The following GSG1L variants were observed in gnomAD, a reference collection of about 807,000 sequenced individuals.
The protein encoded by GSG1L is GSG1 like.
A neutral mutation model predicts 42.1 loss-of-function variants in GSG1L; 24 were observed. The ratio of observed to expected loss-of-function variants is 0.57; its 90% confidence interval spans 0.41 to 0.80. The LOEUF is 0.80. GSG1L is among the 30% of genes least tolerant of loss of function. The pLI is 0.00. For missense variants in GSG1L, 445 were observed against 472.2 expected, an observed-to-expected ratio of 0.94 and a Z score of 0.53; for synonymous variants, 215 against 203.5, an observed-to-expected ratio of 1.06 and a Z score of -0.48.
intron 1 of GSG1L, among the ~76,000 whole-genome samples, chr16:28,041,745 A>G (rs1194850268): frequency 6.6e-6 from 1 of 152,222 alleles, no homozygotes; most frequent in Admixed American, 6.5e-5. Flanking sequence ...TTGCTGTTAG[A>G]TTCTTCCTCT....
At chr16:28,034,954 T>C (rs1248035235) in intron 1 of GSG1L, among the ~76,000 whole-genome samples, 1 of 152,078 alleles carries the variant, frequency 6.6e-6, no homozygotes, top group Non-Finnish European at 1.5e-5. Flanking sequence ...GAGAGAGGAG[T>C]GCCTAGCACA....
At chr16:27,834,411 C>G (rs2083302017) in intron 4 of GSG1L, among the ~76,000 whole-genome samples, 1 of 151,258 alleles carries the variant, frequency 6.6e-6, no homozygotes, top group Non-Finnish European at 1.5e-5. Context: ...TTTGCACTAT[C>G]TTTGGTTTTA....
At chr16:27,975,074 G>A (rs569736110) in intron 1 of GSG1L, among the ~76,000 whole-genome samples, 1 of 152,076 alleles carries the variant, frequency 6.6e-6, no homozygotes, top group Non-Finnish European at 1.5e-5. Context: ...GCATCTCTGG[G>A]CCGGGACTTG....
At chr16:27,977,005 T>A (rs2085258314) in intron 1 of GSG1L, among the ~76,000 whole-genome samples, 1 of 152,132 alleles carries the variant, frequency 6.6e-6, no homozygotes. Flanking sequence ...GGAAGGCAGA[T>A]CCCACCCCAG....
chr16:27,918,205 C>T (rs1054045456), intron 2 of GSG1L, among the ~76,000 whole-genome samples: 2 of 152,124 alleles, frequency 1.3e-5, no homozygotes, highest in African/African-American at 2.4e-5. Flanking sequence ...CTTTGACTGC[C>T]GTAGGCCTGG....
chr16:27,947,125 TTTTTG>T (rs1172514898), intron 2 of GSG1L, among the ~76,000 whole-genome samples: 1 of 152,118 alleles, frequency 6.6e-6, no homozygotes, highest in Non-Finnish European at 1.5e-5. Context: ...GCAAGTTTTG[TTTTTG>T]TTTTGTTTTG....
At chr16:28,011,518 G>T (rs1472535770) in intron 1 of GSG1L, among the ~76,000 whole-genome samples, 2 of 152,374 alleles carry the variant, frequency 1.3e-5, no homozygotes, top group East Asian at 3.9e-4. Flanking sequence ...GATCGAGTCA[G>T]TCGTGGCCAT....
At chr16:28,051,268 C>T (rs1361218308) in intron 1 of GSG1L, among the ~76,000 whole-genome samples, 1 of 152,140 alleles carries the variant, frequency 6.6e-6, no homozygotes, top group East Asian at 1.9e-4. Context: ...CTAGCAGAAC[C>T]TTAAGGGATA....
intron 1 of GSG1L, among the ~76,000 whole-genome samples, chr16:27,973,581 T>C (rs1596665240): frequency 6.6e-6 from 1 of 150,662 alleles, no homozygotes; most frequent in East Asian, 2.0e-4. Context: ...AAGAGTGACA[T>C]GCAGGTACCA....
intron 3 of GSG1L, among the ~76,000 whole-genome samples, chr16:27,858,828 G>T (rs1437218933): frequency 1.3e-5 from 2 of 152,196 alleles, no homozygotes; most frequent in East Asian, 3.8e-4. Flanking sequence ...GAAGTTCACA[G>T]TTTAATAAAT....
chr16:27,791,524 T>G (rs1051661086), intron 6 of GSG1L, 57 bp from the exon 7 acceptor site: 2 of 1,194,520 alleles, frequency 1.7e-6, no homozygotes, highest in East Asian at 2.9e-5. Flanking sequence ...CCACATCCTG[T>G]CTACCCACCG....
chr16:27,810,930 C>T (rs1045375057), intron 5 of GSG1L, among the ~76,000 whole-genome samples: 7 of 152,242 alleles, frequency 4.6e-5, no homozygotes, highest in Non-Finnish European at 5.9e-5. Context: ...TCAGGTGATC[C>T]ACCCACCTTG....
chr16:27,984,232 A>C (rs2085355755), intron 1 of GSG1L, among the ~76,000 whole-genome samples: 1 of 152,148 alleles, frequency 6.6e-6, no homozygotes, highest in South Asian at 2.1e-4. Context: ...TTTCTTTGGC[A>C]TCTCAGCTCC....
At chr16:27,881,868 C>T (rs1403760943) in intron 3 of GSG1L, among the ~76,000 whole-genome samples, 1 of 152,086 alleles carries the variant, frequency 6.6e-6, no homozygotes, top group Non-Finnish European at 1.5e-5. Context: ...CACGGTGGAC[C>T]TGTCCCTGCC....
At chr16:28,058,620 C>CAAAAA (rs66952573) in intron 1 of GSG1L, among the ~76,000 whole-genome samples, 3 of 82,560 alleles carry the variant, frequency 3.6e-5, no homozygotes, top group Admixed American at 1.2e-4. Context: ...AGAACAAGAC[C>CAAAAA]AAAAAAAAAA....
At chr16:27,930,533 T>C (rs2084644146) in intron 2 of GSG1L, among the ~76,000 whole-genome samples, 1 of 152,210 alleles carries the variant, frequency 6.6e-6, no homozygotes, top group South Asian at 2.1e-4. Flanking sequence ...TTGGGGGCCT[T>C]GTACAGTGCC....
chr16:27,923,162 G>C (rs369659621), intron 2 of GSG1L, among the ~76,000 whole-genome samples: 129 of 152,266 alleles, frequency 8.5e-4, no homozygotes, highest in South Asian at 2.5e-3. Context: ...AAAAAAACCT[G>C]GTACTGGGAG....
At chr16:27,980,366 C>G (rs968889980) in intron 1 of GSG1L, among the ~76,000 whole-genome samples, 9 of 152,128 alleles carry the variant, frequency 5.9e-5, no homozygotes, top group African/African-American at 2.2e-4. Context: ...GATGGTGTTG[C>G]TGAGGCTTCC....
At chr16:27,975,129 C>T (rs144586121) in intron 1 of GSG1L, among the ~76,000 whole-genome samples, 68 of 152,190 alleles carry the variant, frequency 4.5e-4, no homozygotes, top group African/African-American at 1.5e-3. Context: ...CTGATGCTGC[C>T]GGCCTGGGAA....
Sources: allele counts gnomAD v4.1 joint callset (sites outside exome capture counted in the v4.1 genomes callset), GRCh38; gene constraint gnomAD v4.1.1; transcripts MANE v1.5; gene names NCBI Gene and HGNC (gene_info 2026-07-23, HGNC 2026-07-21).